The following PPM1L variants were observed in gnomAD, a reference collection of about 807,000 sequenced individuals.
The protein encoded by PPM1L is protein phosphatase 1L.
Under a neutral mutation model 31.4 loss-of-function variants are expected in PPM1L, and 13 were observed. That is an observed-to-expected ratio of 0.41 (90% CI 0.27 to 0.66). The LOEUF is 0.66. Among genes scored for constraint, PPM1L ranks in the 30% least tolerant of loss-of-function variants. The pLI, the probability that PPM1L is intolerant of heterozygous loss-of-function variation, is 0.29. For missense variants in PPM1L, 326 were observed against 453.7 expected (o/e 0.72, Z 2.56); for synonymous variants, 184 against 175.4 (o/e 1.05, Z -0.39).
chr3:160,943,471 A>G (rs1437083707), intron 1 of PPM1L, among the ~76,000 whole-genome samples: 1 of 152,318 alleles, frequency 6.6e-6, no homozygotes, highest in Admixed American at 6.5e-5. Context: ...GAATTTAGCT[A>G]TCATTTACAG....
chr3:160,916,111 A>C (rs1009783074), intron 1 of PPM1L, among the ~76,000 whole-genome samples: 2 of 152,236 alleles, frequency 1.3e-5, no homozygotes, highest in African/African-American at 2.4e-5. Flanking sequence ...CTACCATCGG[A>C]GTGAACAGGC....
chr3:161,037,581 A>ATT lies in PPM1L; in HGVS notation c.575-27802_575-27801dup, dbSNP rs58432151. ...AGGCATGCGCCACCATGCCCGGCTA[A>ATT]TTTTTTTTTTTTTTTTTTTTTGGTA... On this transcript the variant is annotated intron_variant, in intron 2 of 3. Transcript: ENST00000498165. Among the ~76,000 whole-genome samples, 33 of 119,694 alleles carry ATT rather than the reference A, an allele frequency of 2.8e-4. No homozygotes were observed. In the East Asian group the frequency reaches 6.9e-3, roughly 25 times the overall value. 78.5% of individuals were successfully genotyped at this position (119,694 alleles called of 152,430 possible).
chr3:161,021,391 A>T (rs1024056731), intron 2 of PPM1L, among the ~76,000 whole-genome samples: 2 of 152,060 alleles, frequency 1.3e-5, no homozygotes, highest in African/African-American at 4.8e-5. Context: ...GTCAGAGAAC[A>T]TACTTAGTAT....
intron 2 of PPM1L, among the ~76,000 whole-genome samples, chr3:160,974,385 C>A (rs1351989776): frequency 6.6e-6 from 1 of 152,008 alleles, no homozygotes; most frequent in Non-Finnish European, 1.5e-5. Context: ...GGGTGTATAT[C>A]CAGTAATGGG....
chr3:160,764,890 A>C (rs541376803), intron 1 of PPM1L, among the ~76,000 whole-genome samples: 1 of 150,448 alleles, frequency 6.6e-6, no homozygotes, highest in South Asian at 2.1e-4. Context: ...AGGCTCCTCT[A>C]ACTTCTTACC....
chr3:161,075,758 C>T lies in PPM1L; in HGVS notation c.*6601C>T, dbSNP rs1016341128. On this transcript the variant is annotated 3_prime_UTR_variant, in exon 4 of 4. Transcript: ENST00000498165. Reference sequence around the variant, plus strand: ...TCATGAATTATGCTTTCTGTACTTACGCTCTTAGTGAAGGAGATAACATTG... The same window carrying T: ...TCATGAATTATGCTTTCTGTACTTATGCTCTTAGTGAAGGAGATAACATTG... The T allele has an allele frequency of 3.9e-5, 6 of 152,148 alleles. No individual in the cohort carries two copies. The highest frequency in any genetic ancestry group is 7.2e-5 in the African/African-American group (3 of 41,432). The allele number at this position is 152,148 out of a possible 1,614,324, so 9.4% of individuals were successfully genotyped here. A position where few individuals can be genotyped will look rare whatever the true frequency, so the allele number is the denominator to read the frequency against.
chr3:160,968,106 C>T (rs1024959722), intron 2 of PPM1L, among the ~76,000 whole-genome samples: 1 of 151,906 alleles, frequency 6.6e-6, no homozygotes. Context: ...TATTCCCAGG[C>T]ATATTTTTAT....
At chr3:160,885,033 A>G (rs188753264) in intron 1 of PPM1L, among the ~76,000 whole-genome samples, 107 of 152,228 alleles carry the variant, frequency 7.0e-4, no homozygotes, top group Middle Eastern at 3.4e-3. Context: ...GGCAAATTCT[A>G]TAGTTCTTTT....
chr3:161,059,973 G>A (rs1383610257), intron 2 of PPM1L, among the ~76,000 whole-genome samples: 4 of 152,056 alleles, frequency 2.6e-5, no homozygotes, highest in African/African-American at 9.7e-5. Flanking sequence ...AGAATCATGA[G>A]CCAATTAAAC....
At chr3:161,062,830 C>G (rs1719614653) in intron 2 of PPM1L, among the ~76,000 whole-genome samples, 1 of 152,104 alleles carries the variant, frequency 6.6e-6, no homozygotes, top group African/African-American at 2.4e-5. Flanking sequence ...CATGGAGGCC[C>G]TAAAGCCTTT....
chr3:161,017,804 C>T (rs1331472418), intron 2 of PPM1L, among the ~76,000 whole-genome samples: 1 of 151,986 alleles, frequency 6.6e-6, no homozygotes, highest in Non-Finnish European at 1.5e-5. Flanking sequence ...AAAGTATTGC[C>T]GAGGTTGAGT....
chr3:160,920,943 C>T (rs1714383487), intron 1 of PPM1L, among the ~76,000 whole-genome samples: 1 of 152,090 alleles, frequency 6.6e-6, no homozygotes, highest in Non-Finnish European at 1.5e-5. Context: ...TAGTGACTAT[C>T]TCACCATTTT....
At chr3:160,989,408 ATTT>A in intron 2 of PPM1L, among the ~76,000 whole-genome samples, 1 of 145,542 alleles carries the variant, frequency 6.9e-6, no homozygotes, top group Non-Finnish European at 1.5e-5. Context: ...ATTTAAAACA[ATTT>A]TTTTTTTTTT....
At chr3:160,780,419 C>G (rs1336127507) in intron 1 of PPM1L, among the ~76,000 whole-genome samples, 1 of 152,134 alleles carries the variant, frequency 6.6e-6, no homozygotes, top group Non-Finnish European at 1.5e-5. Flanking sequence ...TCTTTCACTT[C>G]CTACTTGTAC....
chr3:161,059,372 G>C (rs762976561), intron 2 of PPM1L, among the ~76,000 whole-genome samples: 6 of 152,126 alleles, frequency 3.9e-5, no homozygotes, highest in Admixed American at 6.6e-5. Flanking sequence ...GTACAGGAGG[G>C]TCATCGTGTT....
intron 2 of PPM1L, among the ~76,000 whole-genome samples, chr3:160,966,897 TG>T (rs1386056020): frequency 2.0e-5 from 3 of 152,076 alleles, no homozygotes; most frequent in African/African-American, 7.2e-5. Flanking sequence ...GGTTCAATAA[TG>T]TTTTTTATAT....
chr3:161,024,030 A>G (rs929753291), intron 2 of PPM1L, among the ~76,000 whole-genome samples: 1 of 152,094 alleles, frequency 6.6e-6, no homozygotes, highest in African/African-American at 2.4e-5. Flanking sequence ...TAATCCCAAC[A>G]CCTTGGGAGG....
At chr3:160,978,243 C>G (rs1193397467) in intron 2 of PPM1L, among the ~76,000 whole-genome samples, 1 of 152,158 alleles carries the variant, frequency 6.6e-6, no homozygotes, top group African/African-American at 2.4e-5. Flanking sequence ...ACATTAACTT[C>G]CCTGAATTTC....
At chr3:160,884,139 T>G (rs879486716) in intron 1 of PPM1L, among the ~76,000 whole-genome samples, 2 of 152,110 alleles carry the variant, frequency 1.3e-5, no homozygotes, top group Admixed American at 1.3e-4. Flanking sequence ...GAATTTACCA[T>G]TTAATTGGGA....
Sources: allele counts gnomAD v4.1 joint callset (sites outside exome capture counted in the v4.1 genomes callset), GRCh38; gene constraint gnomAD v4.1.1; transcripts MANE v1.5; gene names NCBI Gene and HGNC (gene_info 2026-07-23, HGNC 2026-07-21).